NRG2: variants seen among roughly 807,000 people sequenced by gnomAD.
NRG2 encodes the protein neuregulin 2, also known as pro-neuregulin-2, membrane-bound isoform.
A neutral mutation model predicts 73.9 loss-of-function variants in NRG2; 27 were observed. That is an observed-to-expected ratio of 0.37 (90% CI 0.27 to 0.50). NRG2 has a LOEUF of 0.50. Ranked by LOEUF, NRG2 falls within the 20% of genes least tolerant of loss-of-function variation. NRG2 has a pLI of 0.96. For missense variants in NRG2, 1,126 were observed against 1,210.1 expected (o/e 0.93, Z 1.03); for synonymous variants, 532 against 541.0 (o/e 0.98, Z 0.23).
At position 139,856,086 on chromosome 5, in the gene NRG2, G is replaced by C; in HGVS notation, c.1190-308C>G. 1 of 395,814 alleles carries C rather than the reference G, an allele frequency of 2.5e-6. No individual in the cohort carries two copies. Among genetic ancestry groups the C allele is most frequent in the Non-Finnish European group, 4.7e-6 (1 of 212,498 alleles). The allele number at this position is 395,814 out of a possible 1,614,324, so 24.5% of individuals were successfully genotyped here. Reference sequence around the variant, plus strand: ...ATGCAGGGGAATGGGAAGGGATGGAGTGGAGGCAAAGCTCCCGAGGCTGTA... The same window carrying C: ...ATGCAGGGGAATGGGAAGGGATGGACTGGAGGCAAAGCTCCCGAGGCTGTA... On this transcript the variant is annotated intron_variant, in intron 5 of 9. Transcript: ENST00000361474. This position sits in a 1 kb window ranked among gnomAD's most constrained non-coding sequence, Gnocchi z 4.2.
chr5:140,043,187 C>T lies in NRG2; in HGVS notation c.-118G>A. 1 of 1,246,412 alleles carries T rather than the reference C, an allele frequency of 8.0e-7. No individual in the cohort carries two copies. The highest frequency in any genetic ancestry group is 2.8e-5 in the East Asian group (1 of 35,590). The allele number at this position is 1,246,412 out of a possible 1,614,324, so 77.2% of individuals were successfully genotyped here. A position where few individuals can be genotyped will look rare whatever the true frequency, so the allele number is the denominator to read the frequency against. ...TTAGCGCCTCTTAGCCCTCCACCGG[C>T]AGCCCGGGGAGGTGGCCCAGCTAGG... On this transcript the variant is annotated 5_prime_UTR_variant, in exon 1 of 10. Coordinates refer to ENST00000361474, the MANE Select transcript of NRG2 (RefSeq NM_004883.3). This position sits in a 1 kb window ranked among gnomAD's most constrained non-coding sequence, Gnocchi z 6.7.
intron 1 of NRG2, among the ~76,000 whole-genome samples, chr5:139,964,524 C>T (rs748357464): frequency 6.6e-6 from 1 of 152,196 alleles, no homozygotes; most frequent in Non-Finnish European, 1.5e-5. Flanking sequence ...CACATGCACC[C>T]AATCACATGT....
intron 1 of NRG2, among the ~76,000 whole-genome samples, chr5:139,943,512 T>A (rs1317079137): frequency 6.6e-6 from 1 of 152,228 alleles, no homozygotes; most frequent in Non-Finnish European, 1.5e-5. Flanking sequence ...TTTTCTAATT[T>A]TTCTGACTGT....
chr5:139,988,764 C>T (rs1263216646), intron 1 of NRG2, among the ~76,000 whole-genome samples: 1 of 151,838 alleles, frequency 6.6e-6, no homozygotes, highest in African/African-American at 2.4e-5. Context: ...CAAGAGTGAA[C>T]CCTAATGTAA....
intron 1 of NRG2, among the ~76,000 whole-genome samples, chr5:140,004,216 A>G (rs1758718305): frequency 6.6e-6 from 1 of 152,210 alleles, no homozygotes; most frequent in Non-Finnish European, 1.5e-5. Context: ...TCAAGGAATG[A>G]TATGTCTTAT....
chr5:139,970,988 G>C (rs1002533594), intron 1 of NRG2, among the ~76,000 whole-genome samples: 10 of 151,798 alleles, frequency 6.6e-5, no homozygotes, highest in Admixed American at 1.3e-4. Context: ...GAAAGTTAAT[G>C]AATCTCCATC....
chr5:139,908,696 TGA>T (rs1463129556), intron 1 of NRG2, among the ~76,000 whole-genome samples: 1 of 152,136 alleles, frequency 6.6e-6, no homozygotes, highest in East Asian at 1.9e-4. Flanking sequence ...AGATAGGAGA[TGA>T]GAGAGAGTAG....
chr5:139,981,643 G>A (rs545497410), intron 1 of NRG2, among the ~76,000 whole-genome samples: 11 of 152,230 alleles, frequency 7.2e-5, no homozygotes, highest in Non-Finnish European at 1.3e-4. Context: ...ACAGGTCCCA[G>A]AACTCCTAGA....
rs1178598816 is a variant in NRG2, at chr5:139,942,442, C to T, written c.701-54931G>A. 6.6e-5 allele frequency among the ~76,000 whole-genome samples: 10 copies of T among 152,198 alleles called. No individual in the cohort carries two copies. In the East Asian group the frequency reaches 1.9e-3, roughly 29 times the overall value. ...GATCATTAGTTATAACACATCTTAGCAGATTCCACTTCAGGTTGTACTGAG... is the reference window on the plus strand; with the variant it reads ...GATCATTAGTTATAACACATCTTAGTAGATTCCACTTCAGGTTGTACTGAG... On this transcript the variant is annotated intron_variant, in intron 1 of 9. Transcript: ENST00000361474.
chr5:139,967,194 A>G (rs1256262075), intron 1 of NRG2, among the ~76,000 whole-genome samples: 2 of 152,170 alleles, frequency 1.3e-5, no homozygotes, highest in African/African-American at 4.8e-5. Context: ...CATGGGATTC[A>G]AGAAAGCTAT....
chr5:139,862,283 G>A (rs1373563412), intron 5 of NRG2, among the ~76,000 whole-genome samples: 2 of 152,230 alleles, frequency 1.3e-5, no homozygotes, highest in Non-Finnish European at 2.9e-5. Context: ...ACTGTTTAGA[G>A]TGGTGGCTGG....
At chr5:140,037,865 G>T (rs905285598) in intron 1 of NRG2, among the ~76,000 whole-genome samples, 2 of 140,502 alleles carry the variant, frequency 1.4e-5, no homozygotes, top group Admixed American at 1.6e-4. Flanking sequence ...CTGAGAATGT[G>T]CCACTGCACT....
intron 1 of NRG2, among the ~76,000 whole-genome samples, chr5:139,970,146 GA>G: frequency 6.6e-6 from 1 of 152,254 alleles, no homozygotes; most frequent in Middle Eastern, 3.4e-3. Context: ...TGTATTACAA[GA>G]AGGCCTAAGA....
At chr5:139,947,846 G>A (rs1418027860) in intron 1 of NRG2, among the ~76,000 whole-genome samples, 3 of 152,100 alleles carry the variant, frequency 2.0e-5, no homozygotes, top group Non-Finnish European at 4.4e-5. Flanking sequence ...CATTTGTATA[G>A]CTCCTCTGGA....
Position 140,010,302 on chromosome 5 carries a change from A to T in NRG2, c.700+32068T>A, listed in dbSNP as rs190472522. On this transcript the variant is annotated intron_variant, in intron 1 of 9. Coordinates refer to ENST00000361474, the MANE Select transcript of NRG2 (RefSeq NM_004883.3). ...GACACAGCGAGACTGTCTCAAAAAA[A>T]AAATAAATAAAATTCTGTATGATAG... Among the ~76,000 whole-genome samples the T allele has an allele frequency of 1.6e-4, 24 of 152,286 alleles. No individual in the cohort carries two copies. In the East Asian group the frequency reaches 1.9e-3, roughly 12 times the overall value.
At chr5:140,009,760 A>T (rs1173081665) in intron 1 of NRG2, among the ~76,000 whole-genome samples, 1 of 152,226 alleles carries the variant, frequency 6.6e-6, no homozygotes, top group Non-Finnish European at 1.5e-5. Context: ...CAGATAATGG[A>T]ATATTATTCA....
At chr5:140,015,918 T>C (rs1759731725) in intron 1 of NRG2, among the ~76,000 whole-genome samples, 1 of 152,168 alleles carries the variant, frequency 6.6e-6, no homozygotes, top group African/African-American at 2.4e-5. Flanking sequence ...GAAAATCAAG[T>C]TACTTCAACA....
chr5:139,886,015 G>A (rs1763838589), intron 2 of NRG2, among the ~76,000 whole-genome samples: 1 of 152,094 alleles, frequency 6.6e-6, no homozygotes, highest in Admixed American at 6.5e-5. Flanking sequence ...AGGTGGGCTG[G>A]GTGGGCAGCC....
chr5:139,977,412 C>T (rs1756456924), intron 1 of NRG2, among the ~76,000 whole-genome samples: 2 of 152,126 alleles, frequency 1.3e-5, no homozygotes, highest in African/African-American at 4.8e-5. Flanking sequence ...GTTCAATCAA[C>T]TCAAGTCTGC....
Sources: gnomAD v4.1 joint callset for allele counts (sites outside exome capture counted in the v4.1 genomes callset) on GRCh38, gnomAD v4.1.1 for gene constraint, Gnocchi (gnomAD v3.1) non-coding constraint, MANE v1.5 for transcripts, NCBI Gene and HGNC (gene_info 2026-07-23, HGNC 2026-07-21) for gene names.